NRG1: variants seen among roughly 807,000 people sequenced by gnomAD.
NRG1 encodes the protein pro-neuregulin-1, membrane-bound isoform.
NRG1 carries 18 observed loss-of-function variants against 63.8 expected under a neutral mutation model. The observed-to-expected ratio is 0.28, with a 90% CI of 0.19 to 0.42. The LOEUF is 0.42. Among genes scored for constraint, NRG1 ranks in the 10% least tolerant of loss-of-function variants. The probability of loss-of-function intolerance (pLI) is 1.00; values close to 1 mark genes in which losing one functional copy is unlikely to be tolerated. For synonymous variants in NRG1, 302 were observed against 301.3 expected (o/e 1.00, Z -0.02); for missense variants, 762 against 814.7 (o/e 0.94, Z 0.79).
intron 1 of NRG1, among the ~76,000 whole-genome samples, chr8:31,847,531 G>T (rs1299920238): frequency 6.6e-6 from 1 of 152,142 alleles, no homozygotes; most frequent in Admixed American, 6.5e-5. Flanking sequence ...TTCTACTATT[G>T]AGCAATAAAA....
At chr8:32,521,362 A>C (rs1048593081) in intron 1 of NRG1, among the ~76,000 whole-genome samples, 1 of 152,178 alleles carries the variant, frequency 6.6e-6, no homozygotes, top group Admixed American at 6.6e-5. Flanking sequence ...CAGTATTCCA[A>C]TATTTCATTT....
intron 1 of NRG1, among the ~76,000 whole-genome samples, chr8:31,817,326 A>G (rs942515766): frequency 2.6e-5 from 4 of 152,230 alleles, no homozygotes; most frequent in African/African-American, 9.6e-5. Flanking sequence ...GACCAGGCTT[A>G]GACATCAATA....
chr8:31,935,227 C>T (rs908903701), intron 1 of NRG1, among the ~76,000 whole-genome samples: 7 of 152,128 alleles, frequency 4.6e-5, no homozygotes, highest in African/African-American at 1.2e-4. Flanking sequence ...AGTAATCCTC[C>T]TGCCTCAGCC....
chr8:32,642,104 G>A (rs948958469), intron 5 of NRG1, among the ~76,000 whole-genome samples: 1 of 152,286 alleles, frequency 6.6e-6, no homozygotes, highest in East Asian at 1.9e-4. Flanking sequence ...AATTTGATAA[G>A]GAAGTATCTG....
At chr8:32,240,444 G>A (rs533988459) in intron 1 of NRG1, among the ~76,000 whole-genome samples, 89 of 152,016 alleles carry the variant, frequency 5.9e-4, no homozygotes, top group Non-Finnish European at 9.1e-4. Context: ...AAAACGTTGC[G>A]CCAGGGATCC....
intron 9 of NRG1, among the ~76,000 whole-genome samples, chr8:32,756,890 C>T (rs1253659876): frequency 6.6e-5 from 10 of 152,172 alleles, no homozygotes; most frequent in Non-Finnish European, 1.5e-5. Flanking sequence ...ATACAGGCTA[C>T]TCCATTCTGT....
chr8:32,717,723 C>T (rs911244431), intron 5 of NRG1, among the ~76,000 whole-genome samples: 5 of 152,058 alleles, frequency 3.3e-5, no homozygotes, highest in African/African-American at 1.2e-4. Context: ...TATATAGCAA[C>T]GTGCAGTCTG....
At chr8:32,282,012 A>G (rs1852918406) in intron 1 of NRG1, among the ~76,000 whole-genome samples, 1 of 152,130 alleles carries the variant, frequency 6.6e-6, no homozygotes, top group Non-Finnish European at 1.5e-5. Context: ...CAAGAAAAAC[A>G]ACTGCCTTTC....
intron 1 of NRG1, among the ~76,000 whole-genome samples, chr8:32,579,393 A>G (rs1188101805): frequency 6.6e-6 from 1 of 152,134 alleles, no homozygotes; most frequent in Non-Finnish European, 1.5e-5. Context: ...TTTTCATTTT[A>G]CACGCAAGAA....
chr8:32,354,793 C>CT (rs10569341), intron 1 of NRG1, among the ~76,000 whole-genome samples: 15,323 of 141,440 alleles, frequency 0.11, 1,347 homozygotes, highest in East Asian at 0.51. Flanking sequence ...AATGAAGCTG[C>CT]TTTTTTTAAA....
chr8:31,726,980 G>C (rs1246804673), intron 1 of NRG1, among the ~76,000 whole-genome samples: 5 of 152,174 alleles, frequency 3.3e-5, no homozygotes, highest in African/African-American at 9.7e-5. Flanking sequence ...CAGCACACCA[G>C]TGTGTCCATT....
intron 1 of NRG1, among the ~76,000 whole-genome samples, chr8:32,409,964 T>C (rs1240293287): frequency 1.3e-5 from 2 of 152,098 alleles, no homozygotes; most frequent in Non-Finnish European, 2.9e-5. Context: ...ACCATCGTTA[T>C]CTCTGCATTC....
intron 1 of NRG1, among the ~76,000 whole-genome samples, chr8:32,275,095 G>C (rs374426189): frequency 2.0e-5 from 3 of 152,072 alleles, no homozygotes; most frequent in Non-Finnish European, 2.9e-5. Context: ...GCCTGGAAGA[G>C]AGCATCCCAC....
chr8:31,661,506 T>A (rs184302644), intron 1 of NRG1, among the ~76,000 whole-genome samples: 1 of 152,164 alleles, frequency 6.6e-6, no homozygotes, highest in African/African-American at 2.4e-5. Flanking sequence ...GAAATATGAG[T>A]TCTTCTTTCA....
At chr8:32,029,878 G>C (rs1586597433) in intron 1 of NRG1, among the ~76,000 whole-genome samples, 2 of 151,196 alleles carry the variant, frequency 1.3e-5, no homozygotes, top group African/African-American at 2.4e-5. Context: ...TTAAAATTCT[G>C]ATATAATCTA....
In NRG1 at chr8:32,682,395, A is replaced by G. The variant is rs78600790; in HGVS notation, c.503-45554A>G. On this transcript the variant is annotated intron_variant, in intron 5 of 11. Coordinates refer to ENST00000356819, the Ensembl canonical transcript of NRG1. Reference sequence around the variant, plus strand: ...ATCACAATACAGGTTTGTGGTTTTCAATATGTCATGACTAAGAAGAGATTT... The same window carrying G: ...ATCACAATACAGGTTTGTGGTTTTCGATATGTCATGACTAAGAAGAGATTT... 3.9e-3 allele frequency among the ~76,000 whole-genome samples: 589 copies of G among 152,268 alleles called. 5 individuals carry two copies. Among genetic ancestry groups the G allele is most frequent in the African/African-American group, 0.014 (572 of 41,574 alleles).
chr8:31,819,819 C>G (rs1469908200), intron 1 of NRG1, among the ~76,000 whole-genome samples: 2 of 152,106 alleles, frequency 1.3e-5, no homozygotes, highest in Non-Finnish European at 2.9e-5. Context: ...TAACTGTTGA[C>G]TTGAGAAAGG....
intron 1 of NRG1, among the ~76,000 whole-genome samples, chr8:31,728,380 C>T (rs1763235204): frequency 6.6e-6 from 1 of 152,168 alleles, no homozygotes; most frequent in Non-Finnish European, 1.5e-5. Flanking sequence ...AGGATAATCG[C>T]TTGAACCCCG....
intron 1 of NRG1, among the ~76,000 whole-genome samples, chr8:32,112,814 A>G (rs2131465696): frequency 6.6e-6 from 1 of 152,290 alleles, no homozygotes. Context: ...AAAGGGACCC[A>G]TGGACTTTGG....
Sources: allele counts gnomAD v4.1 joint callset (sites outside exome capture counted in the v4.1 genomes callset), GRCh38; gene constraint gnomAD v4.1.1; transcripts MANE v1.5; gene names NCBI Gene and HGNC (gene_info 2026-07-23, HGNC 2026-07-21).